BRWD3: variants seen among roughly 807,000 people sequenced by gnomAD.
BRWD3 encodes the protein bromodomain and WD repeat-containing protein 3.
In BRWD3, 10 loss-of-function variants were observed where a neutral mutation model predicts 149.7. That is an observed-to-expected ratio of 0.07 (90% confidence interval 0.04 to 0.11). The LOEUF is 0.11. Among genes scored for constraint, BRWD3 ranks in the 10% least tolerant of loss-of-function variants. BRWD3 has a pLI of 1.00. For synonymous variants in BRWD3, 504 were observed against 456.7 expected (o/e 1.10, Z -1.32); for missense variants, 940 against 1,373.2 (o/e 0.68, Z 4.99).
At chrX:80,804,098 G>C (rs1044651974) in intron 4 of BRWD3, among the ~76,000 whole-genome samples, 2 of 112,210 alleles carry the variant, frequency 1.8e-5, no homozygotes, top group African/African-American at 6.5e-5. Context: ...ATTACTTCTA[G>C]TATTTTGCAT....
chrX:80,723,212 C>T (rs1327932476), intron 16 of BRWD3, among the ~76,000 whole-genome samples: 1 of 111,140 alleles, frequency 9.0e-6, no homozygotes, highest in Non-Finnish European at 1.9e-5. Flanking sequence ...GGCACTCAAA[C>T]CTGATATTAA....
intron 21 of BRWD3, 119 bp downstream of exon 21, chrX:80,709,309 C>A: frequency 1.9e-6 from 1 of 532,315 alleles, no homozygotes; most frequent in Non-Finnish European, 2.8e-6. Context: ...ATGAACAAAT[C>A]TCTTATAAGA....
intron 6 of BRWD3, among the ~76,000 whole-genome samples, chrX:80,780,063 AT>A (rs1461482643): frequency 9.0e-6 from 1 of 111,021 alleles, no homozygotes; most frequent in Admixed American, 9.7e-5. Flanking sequence ...CCAAATCTTT[AT>A]TTTTTTTAAA....
rs1057515993 is a variant in BRWD3, at chrX:80,670,361, T to C, written c.*6248A>G. On this transcript the variant is annotated 3_prime_UTR_variant, in exon 41 of 41. Coordinates refer to ENST00000373275, the MANE Select transcript of BRWD3 (RefSeq NM_153252.5). ...TATATTGGTTTTATTTTGCACATTT[T>C]GGTAAAGTAGCTTTAAATTGTCAAG... 9.0e-6 allele frequency among the ~76,000 whole-genome samples: 1 copy of C among 111,166 alleles called. No homozygotes were observed. The highest frequency in any genetic ancestry group is 1.9e-5 in the Non-Finnish European group (1 of 53,093).
intron 8 of BRWD3, among the ~76,000 whole-genome samples, chrX:80,743,336 A>G (rs1188929481): frequency 1.8e-5 from 2 of 111,826 alleles, no homozygotes; most frequent in Non-Finnish European, 3.8e-5. Context: ...ATGTTCATCA[A>G]GGATATTGGT....
intron 6 of BRWD3, chrX:80,746,700 C>A (rs886789947): frequency 1.0e-5 from 2 of 194,396 alleles, no homozygotes; most frequent in Non-Finnish European, 1.5e-5. Flanking sequence ...TAATATAGTA[C>A]AAAATGAAAA....
At chrX:80,756,518 A>AAAAG (rs2073741097) in intron 6 of BRWD3, among the ~76,000 whole-genome samples, 1 of 107,671 alleles carries the variant, frequency 9.3e-6, no homozygotes, top group Non-Finnish European at 1.9e-5. Flanking sequence ...AAAAAAAAAA[A>AAAAG]AAAAAAAGAA....
chrX:80,733,564 T>C (rs1402415758), intron 11 of BRWD3, 68 bp from the exon 12 acceptor site: 5 of 874,550 alleles, frequency 5.7e-6, no homozygotes, highest in Non-Finnish European at 8.2e-6. Flanking sequence ...GCTCTTTCTC[T>C]CAAATTCATA....
intron 13 of BRWD3, 129 bp from the exon 14 acceptor site, chrX:80,729,034 C>T (rs2073288828): frequency 9.3e-6 from 5 of 538,638 alleles, no homozygotes; most frequent in South Asian, 3.0e-5. Context: ...TAAACTATAC[C>T]GTTAAGTATT....
chrX:80,707,171 GAATAT>G (rs2072878609), intron 22 of BRWD3, among the ~76,000 whole-genome samples: 1 of 112,029 alleles, frequency 8.9e-6, no homozygotes, highest in Non-Finnish European at 1.9e-5. Flanking sequence ...TGCAGAGGGT[GAATAT>G]AATTGCCAAG....
intron 17 of BRWD3, among the ~76,000 whole-genome samples, chrX:80,719,892 A>G (rs1161528903): frequency 1.8e-5 from 2 of 111,952 alleles, no homozygotes; most frequent in Non-Finnish European, 3.8e-5. Flanking sequence ...CTTTAAAAAT[A>G]CAATCAAGTG....
chrX:80,805,168 A>C (rs1470591250), intron 4 of BRWD3, among the ~76,000 whole-genome samples: 1 of 111,743 alleles, frequency 8.9e-6, no homozygotes, highest in Non-Finnish European at 1.9e-5. Context: ...AACAGAAGGC[A>C]AGGATTTCTA....
At chrX:80,692,711 T>A (rs779652374) in intron 28 of BRWD3, among the ~76,000 whole-genome samples, 8 of 112,079 alleles carry the variant, frequency 7.1e-5, no homozygotes, top group African/African-American at 1.9e-4. Flanking sequence ...GAGGTAGCAA[T>A]AAAGTGTTTA....
At position 80,682,510 on chromosome X, in the gene BRWD3, C is replaced by T. The variant is rs1364202354; in HGVS notation, c.4352G>A (p.Arg1451His). The T allele has an allele frequency of 9.1e-6, 11 of 1,208,709 alleles. No homozygotes were observed. The highest frequency in any genetic ancestry group is 1.2e-5 in the Non-Finnish European group (11 of 894,382). ...TAATGAACTGCTGCTGCTTCTTAGA[C>T]GTTTTCTGTACCGTGGCCTTCTCCT... ...QKRRRPRYRK[R>H]LRSSSSSLSS... Residue 1451 changes from arginine (R) to histidine (H), a missense_variant, in exon 38 of 41, where the codon CGT (arginine) becomes CAT (histidine). Arg to His is a conservative substitution (Grantham distance 29). Coordinates refer to ENST00000373275, the MANE Select transcript of BRWD3 (RefSeq NM_153252.5).
At position 80,682,015 on chromosome X, in the gene BRWD3, A is replaced by G. The variant is rs773992493; in HGVS notation, c.4477T>C (p.Ser1493Pro). ...NTSVSHARTS[S>P]PFSSPVSDAA... ...TATTTACCAGGAGATGAGAAAGGAG[A>G]GCTAGTCCTGGCATGAGATACTGAG... The change falls in exon 39 of 41, where the codon TCT becomes CCT. Residue 1493 changes from serine (S) to proline (P), a missense_variant. By Grantham distance (74) the Ser-to-Pro change is moderately conservative (BLOSUM62 -1). Coordinates refer to ENST00000373275, the MANE Select transcript of BRWD3 (RefSeq NM_153252.5). 8.3e-7 allele frequency: 1 copy of G among 1,205,768 alleles called. No individual in the cohort carries two copies. Among genetic ancestry groups the G allele is most frequent in the South Asian group, 1.8e-5 (1 of 56,863 alleles).
intron 23 of BRWD3, 63 bp from the exon 24 acceptor site, chrX:80,703,656 TA>T: frequency 1.3e-6 from 1 of 780,299 alleles, no homozygotes; most frequent in Non-Finnish European, 1.9e-6. Flanking sequence ...ATAAAACACA[TA>T]AACAATAGTA....
rs2073824352 is a variant in BRWD3, at chrX:80,763,465, C to T, written c.431-17736G>A. 1.8e-5 allele frequency among the ~76,000 whole-genome samples: 2 copies of T among 111,549 alleles called. 1 individual carries two copies. Among genetic ancestry groups the T allele is most frequent in the South Asian group, 7.4e-4 (2 of 2,709 alleles). On this transcript the variant is annotated intron_variant, in intron 6 of 40. Transcript: ENST00000373275. The stretch of plus-strand genomic sequence containing the variant: ...CTAGAACATAAATCTGCCAAAGCAA[C>T]AAAAGTGGGATAGAATAGGCCCTAA...
chrX:80,714,010 C>A (rs2073036676), intron 20 of BRWD3, among the ~76,000 whole-genome samples: 2 of 111,562 alleles, frequency 1.8e-5, no homozygotes, highest in Admixed American at 9.5e-5. Context: ...CCAAATGTTT[C>A]TTTGCCATAT....
chrX:80,694,431 G>T (rs1203153271), intron 27 of BRWD3, among the ~76,000 whole-genome samples: 1 of 111,420 alleles, frequency 9.0e-6, no homozygotes, highest in Admixed American at 9.4e-5. Context: ...GTTGTGAGAA[G>T]AGAGTCACCG....
Sources: allele counts gnomAD v4.1 joint callset (sites outside exome capture counted in the v4.1 genomes callset), GRCh38; gene constraint gnomAD v4.1.1; transcripts MANE v1.5; gene names NCBI Gene and HGNC (gene_info 2026-07-23, HGNC 2026-07-21).